TOMM20L: variants seen among roughly 807,000 people sequenced by gnomAD.
The protein encoded by TOMM20L is translocase of outer mitochondrial membrane 20 like.
Under a neutral mutation model 20.4 loss-of-function variants are expected in TOMM20L, and 19 were observed. The observed-to-expected ratio is 0.93, with a 90% confidence interval of 0.65 to 1.36. The LOEUF (loss-of-function observed/expected upper bound fraction) is 1.36. TOMM20L is among the 40% of genes most tolerant of loss of function. TOMM20L has a pLI of 0.00. For missense variants in TOMM20L, 218 were observed against 203.7 expected (o/e 1.07, Z -0.43); for synonymous variants, 75 against 79.6 (o/e 0.94, Z 0.30).
chr14:58,412,867 C>G (rs1436632559), downstream of TOMM20L, among the ~76,000 whole-genome samples: 2 of 151,952 alleles, frequency 1.3e-5, no homozygotes, highest in African/African-American at 4.8e-5. Flanking sequence ...CACCACTGCA[C>G]TCCAGCCTGG....
At chr14:58,400,599 G>A (rs1305971624) in intron 2 of TOMM20L, among the ~76,000 whole-genome samples, 1 of 151,932 alleles carries the variant, frequency 6.6e-6, no homozygotes, top group Non-Finnish European at 1.5e-5. Flanking sequence ...ACCCTATTAT[G>A]GCCGGCGCGG....
chr14:58,407,501 TAC>T (rs1374303316), intron 4 of TOMM20L, 33 bp downstream of exon 4: 2 of 1,595,154 alleles, frequency 1.3e-6, no homozygotes, highest in African/African-American at 2.7e-5. Context: ...TTGTGAAATG[TAC>T]ACAGTAAATA....
intron 3 of TOMM20L, among the ~76,000 whole-genome samples, chr14:58,404,115 A>ATT (rs2036026261): frequency 1.3e-4 from 2 of 15,166 alleles, no homozygotes; most frequent in African/African-American, 2.8e-4. Flanking sequence ...ATATATATAT[A>ATT]TATATTTTTT....
chr14:58,396,436 A>C (rs1050787402), intron 2 of TOMM20L, 95 bp downstream of exon 2: 12 of 1,396,014 alleles, frequency 8.6e-6, no homozygotes, highest in Non-Finnish European at 1.2e-5. Context: ...GCAGGTAGTT[A>C]GTTCCCTCAG....
chr14:58,415,397 A>G, the TOMM20L span, among the ~76,000 whole-genome samples: 1 of 152,204 alleles, frequency 6.6e-6, no homozygotes, highest in Non-Finnish European at 1.5e-5. Flanking sequence ...ACATTGATTA[A>G]TATGTGTTAG....
downstream of TOMM20L, chr14:58,411,774 T>G: frequency 2.7e-6 from 2 of 736,018 alleles, no homozygotes; most frequent in South Asian, 3.3e-5. Flanking sequence ...TGACTTCATG[T>G]GATCCACCCA....
At chr14:58,402,826 G>A (rs1278010053) in intron 3 of TOMM20L, 65 bp downstream of exon 3, 1 of 1,217,662 alleles carries the variant, frequency 8.2e-7, no homozygotes, top group Non-Finnish European at 1.2e-6. Flanking sequence ...TTATTGATTA[G>A]TATTTGTATG....
downstream of TOMM20L, chr14:58,411,846 G>T: frequency 6.7e-7 from 1 of 1,481,984 alleles, no homozygotes; most frequent in South Asian, 1.1e-5. Flanking sequence ...CTGACATGGT[G>T]GCATTAGTAG....
At chr14:58,412,833 T>G (rs2036265427), downstream of TOMM20L, among the ~76,000 whole-genome samples, 1 of 151,978 alleles carries the variant, frequency 6.6e-6, no homozygotes, top group African/African-American at 2.4e-5. Context: ...CTCAGGACGT[T>G]GAGGTTACAG....
At chr14:58,396,212 G>A in intron 1 of TOMM20L, 86 bp from the exon 2 acceptor site, 5 of 1,569,412 alleles carry the variant, frequency 3.2e-6, no homozygotes, top group South Asian at 2.3e-5. Context: ...CGAGGGGCCC[G>A]CGGCGCCCGG....
At chr14:58,413,100 T>G (rs2036275271), downstream of TOMM20L, among the ~76,000 whole-genome samples, 1 of 152,162 alleles carries the variant, frequency 6.6e-6, no homozygotes, top group Non-Finnish European at 1.5e-5. Flanking sequence ...AAAGTATTAA[T>G]AAGACATTTT....
chr14:58,416,672 A>T, the TOMM20L span, among the ~76,000 whole-genome samples: 1 of 152,170 alleles, frequency 6.6e-6, no homozygotes, highest in Non-Finnish European at 1.5e-5. Flanking sequence ...AAATTATAAA[A>T]CCATCTATTG....
chr14:58,404,137 T>TTTTATTTTTTTTATTTTTTA (rs1566742989), intron 3 of TOMM20L, among the ~76,000 whole-genome samples: 1 of 8,642 alleles, frequency 1.2e-4, no homozygotes, highest in African/African-American at 1.9e-4. Context: ...TTTTTTTTTT[T>TTTTATTTTTTTTATTTTTTA]TTTTTTTTTG....
Position 58,407,326 on chromosome 14 carries a change from G to C in TOMM20L, c.263G>C (p.Gly88Ala), listed in dbSNP as rs779044062. The change falls in exon 4 of 5, where the codon GGA (glycine) becomes GCA (alanine). Residue 88 changes from glycine to alanine, a missense_variant and splice_region_variant. Coordinates refer to ENST00000360945, the MANE Select transcript of TOMM20L (RefSeq NM_207377.3). Reference sequence around the variant, plus strand: ...CTCAAAACTTGTCATTCTGTTTCAGGAGAGCACAGAATGGGGATTCAACAC... The same window carrying C: ...CTCAAAACTTGTCATTCTGTTTCAGCAGAGCACAGAATGGGGATTCAACAC... The part of the protein sequence containing the change: ...VRMGELWLSR[G>A]EHRMGIQHLG... The C allele has an allele frequency of 6.3e-7, 1 of 1,598,218 alleles. No individual in the cohort carries two copies. Among genetic ancestry groups the C allele is most frequent in the Non-Finnish European group, 8.5e-7 (1 of 1,175,170 alleles).
chr14:58,410,956 T>C (rs746993654), downstream of TOMM20L: 3 of 1,561,144 alleles, frequency 1.9e-6, no homozygotes, highest in African/African-American at 4.1e-5. Flanking sequence ...CAAACCAGAA[T>C]GTTCTTTAGT....
At chr14:58,402,476 T>G (rs2036004018) in intron 2 of TOMM20L, among the ~76,000 whole-genome samples, 1 of 151,934 alleles carries the variant, frequency 6.6e-6, no homozygotes, top group African/African-American at 2.4e-5. Flanking sequence ...TTAGTAGAGA[T>G]GGGGTTTCTC....
downstream of TOMM20L, among the ~76,000 whole-genome samples, chr14:58,413,358 TAGTTAACAAACACC>T (rs1264840470): frequency 1.3e-5 from 2 of 152,248 alleles, no homozygotes; most frequent in Non-Finnish European, 2.9e-5. Flanking sequence ...GTTCTATTAA[TAGTTAACAAACACC>T]AGTTAACAAA....
In TOMM20L at chr14:58,407,424, A is replaced by G. The variant is rs770579534; in HGVS notation, c.361A>G (p.Lys121Glu). 1 of 1,613,746 alleles carries G rather than the reference A, an allele frequency of 6.2e-7. No homozygotes were observed. Among genetic ancestry groups the G allele is most frequent in the South Asian group, 1.1e-5 (1 of 91,006 alleles). ...AGTTTTCAAACACACTCTCCCTCCCAAGGTATTTGAGATGCTGTTGCACAA... is the reference window on the plus strand; with the variant it reads ...AGTTTTCAAACACACTCTCCCTCCCGAGGTATTTGAGATGCTGTTGCACAA... ...LKVFKHTLPPKVFEMLLHKIP... is the reference protein window; with the variant it reads ...LKVFKHTLPPEVFEMLLHKIP... The change falls in exon 4 of 5, where the codon AAG (lysine) becomes GAG (glutamate). Residue 121 changes from lysine (K) to glutamate (E), a missense_variant. Lys to Glu is a moderately conservative substitution (Grantham distance 56, BLOSUM62 1). Transcript: ENST00000360945.
chr14:58,403,245 C>G (rs2140302875), intron 3 of TOMM20L, among the ~76,000 whole-genome samples: 1 of 152,282 alleles, frequency 6.6e-6, no homozygotes, highest in Admixed American at 6.5e-5. Flanking sequence ...GTAGTCCCAG[C>G]TACTCAGAAG....
Sources: gnomAD v4.1 joint callset for allele counts (sites outside exome capture counted in the v4.1 genomes callset) on GRCh38, gnomAD v4.1.1 for gene constraint, MANE v1.5 for transcripts, NCBI Gene and HGNC (gene_info 2026-07-23, HGNC 2026-07-21) for gene names.